The following CCSER1 variants were observed in gnomAD, a reference collection of about 807,000 sequenced individuals.
CCSER1 encodes the protein coiled-coil serine rich protein 1, also known as serine-rich coiled-coil domain-containing protein 1.
CCSER1 carries 41 observed loss-of-function variants against 82.0 expected under a neutral mutation model. The ratio of observed to expected loss-of-function variants is 0.50; its 90% CI spans 0.39 to 0.65. The LOEUF (loss-of-function observed/expected upper bound fraction) is 0.65, where lower values mean the gene tolerates loss of function less well. CCSER1 is among the 30% of genes least tolerant of loss of function. CCSER1 has a pLI of 0.00. For missense variants in CCSER1, 1,119 were observed against 1,064.2 expected, an observed-to-expected ratio of 1.05 and a Z score of -0.72; for synonymous variants, 414 against 383.9, an observed-to-expected ratio of 1.08 and a Z score of -0.92.
chr4:90,655,528 G>A (rs555096896), intron 6 of CCSER1, among the ~76,000 whole-genome samples: 1 of 151,958 alleles, frequency 6.6e-6, no homozygotes, highest in Admixed American at 6.6e-5. Flanking sequence ...ACACTTTCTG[G>A]CTCTCTTACT....
rs546518247 is a variant in CCSER1, at chr4:90,792,452, TTCACGCTG to T, written c.2011-23307_2011-23300del. ...TATTCCCAAGCACTGCCCAATGTTATTCACGCTGTCCTTTCCCTGTGTCTGAAATGTAC... is the reference window on the plus strand; with the variant it reads ...TATTCCCAAGCACTGCCCAATGTTATTCCTTTCCCTGTGTCTGAAATGTAC... On this transcript the variant is annotated intron_variant, in intron 7 of 10. Coordinates refer to ENST00000509176, the MANE Select transcript of CCSER1 (RefSeq NM_001145065.2). Among the ~76,000 whole-genome samples the T allele has an allele frequency of 1.6e-3, 243 of 152,288 alleles. 1 individual carries two copies. Among genetic ancestry groups the T allele is most frequent in the African/African-American group, 5.7e-3 (236 of 41,560 alleles).
chr4:90,278,925 G>A (rs1728408730), intron 1 of CCSER1, among the ~76,000 whole-genome samples: 2 of 151,962 alleles, frequency 1.3e-5, no homozygotes. Flanking sequence ...GTCTAATCAG[G>A]GCATATTTAA....
At chr4:90,907,197 T>C (rs781611066) in intron 8 of CCSER1, among the ~76,000 whole-genome samples, 3 of 152,120 alleles carry the variant, frequency 2.0e-5, no homozygotes, top group Non-Finnish European at 4.4e-5. Context: ...AGACAGATCA[T>C]GTCAATAAGA....
intron 10 of CCSER1, among the ~76,000 whole-genome samples, chr4:91,335,617 C>T (rs1225050785): frequency 2.0e-5 from 3 of 151,948 alleles, no homozygotes; most frequent in Non-Finnish European, 4.4e-5. Flanking sequence ...TAATAATATC[C>T]AGAACATGAA....
chr4:90,273,746 C>G (rs1355779290), intron 1 of CCSER1, among the ~76,000 whole-genome samples: 1 of 152,062 alleles, frequency 6.6e-6, no homozygotes, highest in African/African-American at 2.4e-5. Flanking sequence ...ACAAGCCAAA[C>G]TAGTAGGGAT....
intron 10 of CCSER1, among the ~76,000 whole-genome samples, chr4:91,219,684 C>G (rs1227453916): frequency 6.6e-6 from 1 of 152,148 alleles, no homozygotes; most frequent in African/African-American, 2.4e-5. Flanking sequence ...AGAACTTTCT[C>G]TGAGCTACAT....
chr4:91,499,429 T>G (rs999488331), intron 10 of CCSER1, among the ~76,000 whole-genome samples: 4 of 152,006 alleles, frequency 2.6e-5, no homozygotes, highest in Non-Finnish European at 5.9e-5. Context: ...GTGGACATCC[T>G]GTAACACAGT....
intron 1 of CCSER1, among the ~76,000 whole-genome samples, chr4:90,288,736 G>C (rs1216107821): frequency 6.6e-6 from 1 of 151,834 alleles, no homozygotes; most frequent in Non-Finnish European, 1.5e-5. Context: ...TTTTATTTGT[G>C]ATTTTCCATA....
intron 1 of CCSER1, among the ~76,000 whole-genome samples, chr4:90,253,806 T>C (rs1336127054): frequency 6.6e-6 from 1 of 152,114 alleles, no homozygotes; most frequent in East Asian, 1.9e-4. Context: ...GGATTTTAGT[T>C]AGTCTCTTTT....
chr4:90,141,834 A>G (rs930142608), intron 1 of CCSER1, among the ~76,000 whole-genome samples: 2 of 152,262 alleles, frequency 1.3e-5, no homozygotes, highest in Non-Finnish European at 2.9e-5. Flanking sequence ...TGTGTAAAAT[A>G]GGATCCTGAA....
chr4:91,344,360 A>G (rs1747914391), intron 10 of CCSER1, among the ~76,000 whole-genome samples: 1 of 152,204 alleles, frequency 6.6e-6, no homozygotes, highest in Admixed American at 6.5e-5. Context: ...CATCAGCCCC[A>G]ATGGACTAAG....
At chr4:91,057,939 G>C (rs1474914278) in intron 9 of CCSER1, among the ~76,000 whole-genome samples, 1 of 152,010 alleles carries the variant, frequency 6.6e-6, no homozygotes, top group Non-Finnish European at 1.5e-5. Context: ...AAATGGCCAA[G>C]GTAACACTTA....
intron 5 of CCSER1, among the ~76,000 whole-genome samples, chr4:90,507,271 T>A (rs1770830766): frequency 6.6e-6 from 1 of 151,804 alleles, no homozygotes; most frequent in African/African-American, 2.4e-5. Context: ...GTTGTGCCAT[T>A]ATTCCTTACT....
At chr4:90,823,779 A>C (rs923638182) in intron 8 of CCSER1, among the ~76,000 whole-genome samples, 3 of 151,954 alleles carry the variant, frequency 2.0e-5, no homozygotes, top group South Asian at 4.1e-4. Flanking sequence ...TTAAAATTAA[A>C]GCACAATTAA....
intron 7 of CCSER1, among the ~76,000 whole-genome samples, chr4:90,738,022 T>A (rs941879138): frequency 6.6e-6 from 1 of 152,186 alleles, no homozygotes; most frequent in Non-Finnish European, 1.5e-5. Context: ...TTTCATTGAG[T>A]TTCCACAAAA....
chr4:90,519,094 T>C (rs192180625), intron 5 of CCSER1, among the ~76,000 whole-genome samples: 3 of 152,022 alleles, frequency 2.0e-5, no homozygotes, highest in Admixed American at 1.3e-4. Flanking sequence ...TTTGTAAATT[T>C]AGCATTAATT....
In CCSER1 at chr4:90,880,718, T is replaced by A. The variant is rs78801888; in HGVS notation, c.2095-42652T>A. Among the ~76,000 whole-genome samples the A allele has an allele frequency of 1.1e-4, 17 of 152,202 alleles. No individual in the cohort carries two copies. In the East Asian group the frequency reaches 3.1e-3, roughly 28 times the overall value. Reference sequence around the variant, plus strand: ...TGGGCACCAATGTACATCTGGCCACTTTTCTGTAGGGCTGCTGAGGTATGC... The same window carrying A: ...TGGGCACCAATGTACATCTGGCCACATTTCTGTAGGGCTGCTGAGGTATGC... On this transcript the variant is annotated intron_variant, in intron 8 of 10. Coordinates refer to ENST00000509176, the MANE Select transcript of CCSER1 (RefSeq NM_001145065.2).
chr4:90,601,990 T>A (rs1050933000), intron 5 of CCSER1, among the ~76,000 whole-genome samples: 10 of 152,128 alleles, frequency 6.6e-5, no homozygotes, highest in Non-Finnish European at 1.5e-4. Context: ...CAGTAAATGG[T>A]CTCTGTGAAC....
chr4:90,978,796 G>GT (rs1357441850), intron 9 of CCSER1, among the ~76,000 whole-genome samples: 1 of 151,712 alleles, frequency 6.6e-6, no homozygotes, highest in Non-Finnish European at 1.5e-5. Flanking sequence ...GATGGGAATT[G>GT]TTTATGTGAT....
Sources: gnomAD v4.1 joint callset for allele counts (sites outside exome capture counted in the v4.1 genomes callset) on GRCh38, gnomAD v4.1.1 for gene constraint, MANE v1.5 for transcripts, NCBI Gene and HGNC (gene_info 2026-07-23, HGNC 2026-07-21) for gene names.